Variants in CDH19 observed in about 807,000 individuals in gnomAD.
CDH19 encodes the protein cadherin-19.
CDH19 carries 67 observed loss-of-function variants against 64.2 expected under a neutral mutation model. The observed-to-expected ratio is 1.04, with a 90% CI of 0.86 to 1.28. The LOEUF (loss-of-function observed/expected upper bound fraction) is 1.28, where lower values mean the gene tolerates loss of function less well. CDH19 is among the 50% of genes most tolerant of loss of function. CDH19 has a pLI of 0.00. For synonymous variants in CDH19, 346 were observed against 319.3 expected, an observed-to-expected ratio of 1.08 and a Z score of -0.89; for missense variants, 1,030 against 929.0, an observed-to-expected ratio of 1.11 and a Z score of -1.41.
In CDH19 at chr18:66,576,285, C is replaced by T. The variant is rs887134542; in HGVS notation, c.-112-3969G>A. On this transcript the variant is annotated intron_variant, in intron 1 of 11. Coordinates refer to ENST00000262150, the MANE Select transcript of CDH19 (RefSeq NM_021153.4). ...TTTTTAAAAAGACTCAACTATATGT[C>T]TTTAAAATGATTTAAAATATAAAGG... Among the ~76,000 whole-genome samples, 5 of 151,098 alleles carry T rather than the reference C, an allele frequency of 3.3e-5. No homozygotes were observed. The South Asian group carries it at 8.3e-4, about 25-fold the overall frequency.
intron 1 of CDH19, among the ~76,000 whole-genome samples, chr18:66,599,907 G>C (rs549188387): frequency 1.8e-4 from 28 of 151,982 alleles, no homozygotes; most frequent in African/African-American, 6.7e-4. Context: ...TAAAGTATAC[G>C]TCCAAGGGTT....
chr18:66,568,831 C>T (rs2144572726), intron 2 of CDH19, 121 bp from the exon 3 acceptor site: 1 of 801,252 alleles, frequency 1.2e-6, no homozygotes, highest in Non-Finnish European at 1.9e-6. Flanking sequence ...ATTATTTCCA[C>T]ATTACATTAA....
chr18:66,536,887 G>T (rs1986695761), intron 7 of CDH19, among the ~76,000 whole-genome samples: 1 of 151,522 alleles, frequency 6.6e-6, no homozygotes, highest in Non-Finnish European at 1.5e-5. Context: ...ACAAACATCA[G>T]AAAATTCATA....
In CDH19 at chr18:66,535,640, T is replaced by C. The variant is rs909493453; in HGVS notation, c.1215-533A>G. On this transcript the variant is annotated intron_variant, in intron 7 of 11. Coordinates refer to ENST00000262150, the MANE Select transcript of CDH19 (RefSeq NM_021153.4). ...TTATATATATATATATATAAACATA[T>C]ATATAATACATTATATATGATATAT... Among the ~76,000 whole-genome samples, 5 of 146,962 alleles carry C rather than the reference T, an allele frequency of 3.4e-5. 1 individual carries two copies. Among genetic ancestry groups the C allele is most frequent in the Admixed American group, 1.4e-4 (2 of 14,554 alleles).
chr18:66,510,527 A>C (rs924805813), intron 10 of CDH19, among the ~76,000 whole-genome samples: 2 of 147,262 alleles, frequency 1.4e-5, no homozygotes, highest in Non-Finnish European at 3.0e-5. Flanking sequence ...TATAATTTTT[A>C]ACTTAGAGTA....
intron 1 of CDH19, among the ~76,000 whole-genome samples, chr18:66,588,692 T>G (rs1364136067): frequency 6.7e-6 from 1 of 149,772 alleles, no homozygotes; most frequent in Admixed American, 6.7e-5. Flanking sequence ...TTGGTCCTTA[T>G]TTATAAGTTT....
intron 7 of CDH19, among the ~76,000 whole-genome samples, chr18:66,540,055 G>T (rs767430616): frequency 6.6e-6 from 1 of 151,800 alleles, no homozygotes; most frequent in Non-Finnish European, 1.5e-5. Flanking sequence ...TTTCACTTTG[G>T]TAATAATAAT....
rs754673993 is a variant in CDH19, at chr18:66,552,725, C to T, written c.611-1467G>A. 6.7e-5 allele frequency among the ~76,000 whole-genome samples: 9 copies of T among 134,544 alleles called. 2 individuals are homozygous for T. Among genetic ancestry groups the T allele is most frequent in the Non-Finnish European group, 7.6e-5 (5 of 65,792 alleles). 88.3% of individuals were successfully genotyped at this position (134,544 alleles called of 152,430 possible). On this transcript the variant is annotated intron_variant, in intron 4 of 11. Coordinates refer to ENST00000262150, the MANE Select transcript of CDH19 (RefSeq NM_021153.4). ...CCATGTTTGTCGTTGTCCATACCAA[C>T]GCTTCTCCAGCAATGCAAGTAATAG...
chr18:66,516,637 G>T (rs1285369543), intron 9 of CDH19, among the ~76,000 whole-genome samples: 1 of 152,020 alleles, frequency 6.6e-6, no homozygotes, highest in Non-Finnish European at 1.5e-5. Flanking sequence ...GAAACTGCAT[G>T]ACTGCAGTCT....
At chr18:66,540,750 G>T (rs1183949548) in intron 7 of CDH19, among the ~76,000 whole-genome samples, 2 of 152,042 alleles carry the variant, frequency 1.3e-5, no homozygotes, top group African/African-American at 4.8e-5. Flanking sequence ...TGAGATTTAG[G>T]ATTTCAAAAT....
At chr18:66,515,973 C>T (rs1173124980) in intron 9 of CDH19, among the ~76,000 whole-genome samples, 1 of 151,756 alleles carries the variant, frequency 6.6e-6, no homozygotes, top group Non-Finnish European at 1.5e-5. Flanking sequence ...GAATTGCAAA[C>T]TTAAAAAGTA....
In CDH19 at chr18:66,521,916, C is replaced by CTGTTGT. The variant is rs201747306; in HGVS notation, c.1458+7923_1458+7928dup. Among the ~76,000 whole-genome samples the CTGTTGT allele has an allele frequency of 8.1e-3, 908 of 111,498 alleles. 7 individuals are homozygous for CTGTTGT. The highest frequency in any genetic ancestry group is 0.031 in the African/African-American group (855 of 27,958). The allele number at this position is 111,498 out of a possible 152,430, so 73.1% of individuals were successfully genotyped here. A position where few individuals can be genotyped will look rare whatever the true frequency, so the allele number is the denominator to read the frequency against. On this transcript the variant is annotated intron_variant, in intron 9 of 11. Transcript: ENST00000262150. ...TACAGGGTTTATGTAGTTACTTGTT[C>CTGTTGT]TGTTGTTGTTGTTGTTGTTGTTGTT...
At chr18:66,521,871 G>A (rs1001598018) in intron 9 of CDH19, among the ~76,000 whole-genome samples, 11 of 151,662 alleles carry the variant, frequency 7.3e-5, no homozygotes, top group African/African-American at 1.9e-4. Context: ...TAATTAAAAT[G>A]TATTAGTCTG....
At chr18:66,586,272 C>A (rs1988575189) in intron 1 of CDH19, among the ~76,000 whole-genome samples, 4 of 151,914 alleles carry the variant, frequency 2.6e-5, no homozygotes, top group Admixed American at 2.6e-4. Context: ...GAGTTCCAAA[C>A]CTTTCCCAAA....
At chr18:66,558,133 T>A (rs1348986860) in intron 3 of CDH19, among the ~76,000 whole-genome samples, 2 of 149,036 alleles carry the variant, frequency 1.3e-5, no homozygotes, top group Non-Finnish European at 1.5e-5. Flanking sequence ...GACAGACATG[T>A]ATCTGTATCT....
intron 1 of CDH19, among the ~76,000 whole-genome samples, chr18:66,575,293 T>C (rs1287391089): frequency 6.6e-6 from 1 of 151,740 alleles, no homozygotes; most frequent in Non-Finnish European, 1.5e-5. Context: ...GGAAACTGTC[T>C]TCAAGGTTTC....
intron 10 of CDH19, among the ~76,000 whole-genome samples, chr18:66,511,132 A>G (rs1985461532): frequency 6.6e-6 from 1 of 151,756 alleles, no homozygotes; most frequent in Non-Finnish European, 1.5e-5. Context: ...TATTAACCCA[A>G]TTTCACATAT....
chr18:66,553,862 G>T (rs1325787715), intron 4 of CDH19, among the ~76,000 whole-genome samples: 4 of 134,090 alleles, frequency 3.0e-5, no homozygotes, highest in Non-Finnish European at 4.6e-5. Flanking sequence ...ATTACAAAAA[G>T]AATCAAATAT....
chr18:66,546,204 T>C (rs75068411), intron 5 of CDH19, among the ~76,000 whole-genome samples: 2,303 of 152,258 alleles, frequency 0.015, 49 homozygotes, highest in African/African-American at 0.053. Flanking sequence ...ACTTCAAAGA[T>C]TGCATTTGAG....
Sources: gnomAD v4.1 joint callset for allele counts (sites outside exome capture counted in the v4.1 genomes callset) on GRCh38, gnomAD v4.1.1 for gene constraint, MANE v1.5 for transcripts, NCBI Gene and HGNC (gene_info 2026-07-23, HGNC 2026-07-21) for gene names.